The following DCAF6 variants were observed in gnomAD, a reference collection of about 807,000 sequenced individuals.
DCAF6 encodes DDB1- and CUL4-associated factor 6.
A neutral mutation model predicts 125.1 loss-of-function variants in DCAF6; 54 were observed. That is an observed-to-expected ratio of 0.43 (90% CI 0.35 to 0.54). DCAF6 has a LOEUF of 0.54. DCAF6 is among the 20% of genes least tolerant of loss of function. The probability of loss-of-function intolerance (pLI) is 0.01; values close to 1 mark genes in which losing one functional copy is unlikely to be tolerated. For missense variants in DCAF6, 934 were observed against 1,161.7 expected, an observed-to-expected ratio of 0.80 and a Z score of 2.85; for synonymous variants, 371 against 390.4, an observed-to-expected ratio of 0.95 and a Z score of 0.58.
At chr1:167,916,081 C>A in the DCAF6 span, among the ~76,000 whole-genome samples, 4 of 152,256 alleles carry the variant, frequency 2.6e-5, no homozygotes, top group South Asian at 8.3e-4. Context: ...ATTATTTTTA[C>A]GGAGTTCAGT....
chr1:167,938,400 A>G (rs74120571), intron 1 of DCAF6, among the ~76,000 whole-genome samples: 4,551 of 152,306 alleles, frequency 0.03, 232 homozygotes, highest in African/African-American at 0.1. Context: ...AAATTATTAC[A>G]TAGTAGGTAA....
the DCAF6 span, among the ~76,000 whole-genome samples, chr1:167,906,509 T>C: frequency 1.3e-5 from 2 of 151,762 alleles, no homozygotes; most frequent in Admixed American, 6.6e-5. Context: ...TGTGAGATGC[T>C]AGATGCAGTG....
chr1:168,009,109 C>T (rs190134603), intron 10 of DCAF6, among the ~76,000 whole-genome samples: 1 of 151,368 alleles, frequency 6.6e-6, no homozygotes, highest in Admixed American at 6.6e-5. Flanking sequence ...CGCCATTCTC[C>T]TGCCTCAGCC....
upstream of DCAF6, among the ~76,000 whole-genome samples, chr1:167,934,581 G>T (rs983509855): frequency 5.3e-5 from 8 of 152,164 alleles, no homozygotes; most frequent in Non-Finnish European, 1.0e-4. Context: ...TAATCCAGAT[G>T]TTCAATTCAT....
intron 2 of DCAF6, among the ~76,000 whole-genome samples, chr1:167,954,206 G>A (rs372638961): frequency 2.0e-5 from 3 of 151,562 alleles, no homozygotes; most frequent in Admixed American, 6.6e-5. Context: ...GGGTTTCGCC[G>A]TGTTGGCTAG....
the DCAF6 span, among the ~76,000 whole-genome samples, chr1:167,890,803 A>G: frequency 1.3e-5 from 2 of 152,146 alleles, no homozygotes; most frequent in Non-Finnish European, 2.9e-5. Context: ...GTCCTACTCT[A>G]CGTTCAAACA....
the DCAF6 span, among the ~76,000 whole-genome samples, chr1:167,903,348 G>T: frequency 5.9e-5 from 9 of 151,994 alleles, no homozygotes; most frequent in African/African-American, 2.2e-4. Flanking sequence ...TGGATCACTT[G>T]AGGTCAGGAG....
chr1:167,916,421 G>T, the DCAF6 span, among the ~76,000 whole-genome samples: 4 of 152,052 alleles, frequency 2.6e-5, no homozygotes, highest in Non-Finnish European at 5.9e-5. Context: ...TGGCCAGGCT[G>T]GTCTCGAACT....
upstream of DCAF6, chr1:167,935,792 A>T: frequency 6.4e-7 from 1 of 1,561,088 alleles, no homozygotes; most frequent in Non-Finnish European, 8.7e-7. Flanking sequence ...CACTTTATCG[A>T]GGAGCCGGTG....
chr1:167,919,825 C>G, the DCAF6 span, among the ~76,000 whole-genome samples: 1 of 151,750 alleles, frequency 6.6e-6, no homozygotes, highest in Non-Finnish European at 1.5e-5. Flanking sequence ...ACTTTAGATA[C>G]TTCTTGTCTT....
Position 168,022,972 on chromosome 1 carries a change from C to A in DCAF6, c.1550-16C>A. 1 of 1,613,350 alleles carries A rather than the reference C, an allele frequency of 6.2e-7. No individual in the cohort carries two copies. Reference sequence around the variant, plus strand: ...CTGCTGCTTACTTTTAAGTTGAAATCTCATTTTTGTTTCAGATTCTCCTTC... The same window carrying A: ...CTGCTGCTTACTTTTAAGTTGAAATATCATTTTTGTTTCAGATTCTCCTTC... On this transcript the variant is annotated splice_polypyrimidine_tract_variant and intron_variant, in intron 11 of 21. Transcript: ENST00000367840.
chr1:168,025,734 A>G (rs1686253937), intron 12 of DCAF6, among the ~76,000 whole-genome samples: 1 of 152,102 alleles, frequency 6.6e-6, no homozygotes, highest in African/African-American at 2.4e-5. Flanking sequence ...TCTCACATCC[A>G]CTCAGGCTAT....
rs945547033 is a variant in DCAF6 at position 168,002,570 on chromosome 1, G to A, written c.992G>A (p.Arg331Gln). 2.5e-6 allele frequency: 4 copies of A among 1,612,180 alleles called. No homozygotes were observed. Among genetic ancestry groups the A allele is most frequent in the Non-Finnish European group, 3.4e-6 (4 of 1,178,582 alleles). ...PRARPESERERDGEQSPNVSL... is the reference protein window; with the variant it reads ...PRARPESEREQDGEQSPNVSL... ...GCAAGGCCGGAGAGTGAACGAGAAC[G>A]AGATGGTAACTATACTTTGGTCAGC... Residue 331 changes from arginine (R) to glutamine (Q), a missense_variant, in exon 8 of 22, where the codon CGA becomes CAA. Coordinates refer to ENST00000367840, the MANE Select transcript of DCAF6 (RefSeq NM_001198956.2).
intron 1 of DCAF6, among the ~76,000 whole-genome samples, chr1:167,950,464 T>G (rs1050791901): frequency 6.6e-6 from 1 of 152,128 alleles, no homozygotes; most frequent in South Asian, 2.1e-4. Flanking sequence ...AGCATCTCCC[T>G]CCCCAAAATA....
intron 1 of DCAF6, among the ~76,000 whole-genome samples, chr1:167,940,077 A>G (rs1385526407): frequency 6.6e-6 from 1 of 152,158 alleles, no homozygotes; most frequent in African/African-American, 2.4e-5. Flanking sequence ...TGCCCTTTCA[A>G]TGTTAATATT....
At chr1:167,935,697 G>A (rs1488123959), upstream of DCAF6, 2 of 1,515,706 alleles carry the variant, frequency 1.3e-6, no homozygotes, top group South Asian at 1.2e-5. Flanking sequence ...AAGCGAGAAG[G>A]AAGGTCTCGA....
chr1:168,001,168 C>T lies in DCAF6; in HGVS notation c.904-1314C>T, dbSNP rs188024883. On this transcript the variant is annotated intron_variant, in intron 7 of 21. Coordinates refer to ENST00000367840, the MANE Select transcript of DCAF6 (RefSeq NM_001198956.2). ...TTTTTAAAACAGCTGGTTGTGGTGG[C>T]ACATGCACCAACTACTCAGGAAGCT... is the stretch of plus-strand genomic sequence containing the variant. Among the ~76,000 whole-genome samples, 358 of 152,090 alleles carry T rather than the reference C, an allele frequency of 2.4e-3. 1 individual carries two copies. The highest frequency in any genetic ancestry group is 3.8e-3 in the Non-Finnish European group (258 of 67,968).
chr1:168,046,526 A>G (rs1689169833), intron 16 of DCAF6, among the ~76,000 whole-genome samples: 1 of 152,068 alleles, frequency 6.6e-6, no homozygotes, highest in Admixed American at 6.5e-5. Flanking sequence ...CTTTTTTTGT[A>G]GATATGAAGC....
At chr1:168,059,657 T>C (rs1232765975) in intron 17 of DCAF6, among the ~76,000 whole-genome samples, 3 of 152,214 alleles carry the variant, frequency 2.0e-5, no homozygotes, top group Non-Finnish European at 4.4e-5. Flanking sequence ...TTTTTTCTTT[T>C]TTCCTTGAGA....
Sources: allele counts gnomAD v4.1 joint callset (sites outside exome capture counted in the v4.1 genomes callset), GRCh38; gene constraint gnomAD v4.1.1; transcripts MANE v1.5; gene names NCBI Gene and HGNC (gene_info 2026-07-23, HGNC 2026-07-21).